MYO5B: variants seen among roughly 807,000 people sequenced by gnomAD.
MYO5B encodes myosin VB, also known as unconventional myosin-Vb.
In MYO5B, 143 loss-of-function variants were observed where a neutral mutation model predicts 229.3. That is an observed-to-expected ratio of 0.62 (90% CI 0.54 to 0.72). MYO5B has a LOEUF of 0.72. Among genes scored for constraint, MYO5B ranks in the 30% least tolerant of loss-of-function variants. The pLI is 0.00. For synonymous variants in MYO5B, 918 were observed against 885.2 expected, an observed-to-expected ratio of 1.04 and a Z score of -0.66; for missense variants, 2,321 against 2,331.0, an observed-to-expected ratio of 1.00 and a Z score of 0.09.
chr18:49,943,620 T>C (rs2144226073), intron 14 of MYO5B, among the ~76,000 whole-genome samples: 1 of 152,318 alleles, frequency 6.6e-6, no homozygotes, highest in South Asian at 2.1e-4. Context: ...CATTCATTCA[T>C]TCATCCACAC....
intron 1 of MYO5B, among the ~76,000 whole-genome samples, chr18:50,106,624 T>C (rs1020803552): frequency 1.3e-5 from 2 of 152,224 alleles, no homozygotes; most frequent in African/African-American, 4.8e-5. Flanking sequence ...TGGCTATTCC[T>C]CTTCAGGTTT....
intron 1 of MYO5B, among the ~76,000 whole-genome samples, chr18:50,084,412 C>A (rs1032916812): frequency 6.6e-6 from 1 of 152,174 alleles, no homozygotes; most frequent in Non-Finnish European, 1.5e-5. Context: ...CAGTTTGGGC[C>A]TCAATACTCT....
chr18:49,838,609 G>A (rs1347070536), intron 36 of MYO5B, among the ~76,000 whole-genome samples: 5 of 151,566 alleles, frequency 3.3e-5, no homozygotes, highest in Admixed American at 2.6e-4. Context: ...CCTTTGCAGA[G>A]CACAGTGAGT....
rs186513398 is a variant in MYO5B, at chr18:49,882,198, C to T, written c.3046-1743G>A. On this transcript the variant is annotated intron_variant, in intron 22 of 39. Transcript: ENST00000285039. Reference sequence around the variant, plus strand: ...CAGACCTGAGATCTCCCTTCCCCCACGGCTGGCTGATCCGTCACCATTCCC... The same window carrying T: ...CAGACCTGAGATCTCCCTTCCCCCATGGCTGGCTGATCCGTCACCATTCCC... Among the ~76,000 whole-genome samples the T allele has an allele frequency of 4.1e-4, 63 of 152,278 alleles. 2 individuals carry two copies. The highest frequency in any genetic ancestry group is 2.1e-3 in the East Asian group (11 of 5,180).
intron 27 of MYO5B, among the ~76,000 whole-genome samples, chr18:49,866,922 AC>A (rs2024402647): frequency 1.3e-5 from 2 of 152,198 alleles, no homozygotes; most frequent in Admixed American, 1.3e-4. Context: ...CAGCTAAAGG[AC>A]AGGAGCAGCT....
At chr18:49,953,016 C>T (rs188363284) in intron 14 of MYO5B, among the ~76,000 whole-genome samples, 1 of 152,148 alleles carries the variant, frequency 6.6e-6, no homozygotes, top group East Asian at 1.9e-4. Flanking sequence ...TCTCCCCCTA[C>T]CCCTACACTC....
intron 1 of MYO5B, among the ~76,000 whole-genome samples, chr18:50,158,422 T>C (rs1466032250): frequency 6.6e-6 from 1 of 152,184 alleles, no homozygotes; most frequent in Non-Finnish European, 1.5e-5. Context: ...ATCTGGACTT[T>C]TCATCTACAT....
chr18:49,983,360 G>C (rs1436736838), intron 8 of MYO5B, among the ~76,000 whole-genome samples: 1 of 152,176 alleles, frequency 6.6e-6, no homozygotes, highest in African/African-American at 2.4e-5. Flanking sequence ...TCTGCCCTCA[G>C]ACCTGTCTCC....
At chr18:49,865,950 C>A (rs1246917072) in intron 27 of MYO5B, among the ~76,000 whole-genome samples, 1 of 152,226 alleles carries the variant, frequency 6.6e-6, no homozygotes, top group Non-Finnish European at 1.5e-5. Context: ...CCTCTCCACT[C>A]CCCTCTCCTC....
At chr18:49,947,171 T>C (rs920871469) in intron 14 of MYO5B, among the ~76,000 whole-genome samples, 8 of 143,886 alleles carry the variant, frequency 5.6e-5, no homozygotes, top group Non-Finnish European at 1.1e-4. Context: ...AATGGCACGA[T>C]CTCAGCTCAC....
intron 6 of MYO5B, 95 bp downstream of exon 6, chr18:49,992,193 G>C: frequency 6.6e-7 from 1 of 1,522,366 alleles, no homozygotes; most frequent in Non-Finnish European, 9.1e-7. Flanking sequence ...GCTCACAAGA[G>C]AGATTCTCTT....
At chr18:50,068,349 C>T (rs953202477) in intron 1 of MYO5B, among the ~76,000 whole-genome samples, 1 of 152,192 alleles carries the variant, frequency 6.6e-6, no homozygotes, top group African/African-American at 2.4e-5. Flanking sequence ...ATTCTTTCCA[C>T]CACTTAGGTG....
At chr18:49,832,227 A>G (rs2023931231) in intron 39 of MYO5B, among the ~76,000 whole-genome samples, 1 of 152,242 alleles carries the variant, frequency 6.6e-6, no homozygotes, top group African/African-American at 2.4e-5. Flanking sequence ...CATGGGATGG[A>G]GAAGAGTACC....
In MYO5B at chr18:49,826,643, C is replaced by T; in HGVS notation, c.5395-20G>A. 3 of 1,612,116 alleles carry T rather than the reference C, an allele frequency of 1.9e-6. No homozygotes were observed. The South Asian group carries it at 3.3e-5, about 18-fold the overall frequency. On this transcript the variant is annotated intron_variant, in intron 39 of 39. Coordinates refer to ENST00000285039, the MANE Select transcript of MYO5B (RefSeq NM_001080467.3). ...TTGTGCCTATGGGGAAGAATAAGACCATGTAAAGTTTGAGTACCCCTAAAA... is the reference window on the plus strand; with the variant it reads ...TTGTGCCTATGGGGAAGAATAAGACTATGTAAAGTTTGAGTACCCCTAAAA...
intron 30 of MYO5B, among the ~76,000 whole-genome samples, 166 bp downstream of exon 30, chr18:49,856,647 C>T (rs2024265639): frequency 6.6e-6 from 1 of 152,242 alleles, no homozygotes; most frequent in East Asian, 1.9e-4. Flanking sequence ...CATATCTGTA[C>T]AGCCTGGGCA....
intron 1 of MYO5B, among the ~76,000 whole-genome samples, chr18:50,124,353 A>G (rs1262293700): frequency 6.6e-6 from 1 of 152,202 alleles, no homozygotes; most frequent in Non-Finnish European, 1.5e-5. Context: ...TTGAATAGAC[A>G]ATCATTCCCA....
intron 27 of MYO5B, among the ~76,000 whole-genome samples, chr18:49,868,417 A>G (rs1483166938): frequency 6.6e-6 from 1 of 152,198 alleles, no homozygotes; most frequent in Non-Finnish European, 1.5e-5. Context: ...TGAGGTGAAA[A>G]GTGTTTAAGT....
chr18:49,864,392 C>T lies in MYO5B; in HGVS notation c.3604-12G>A, dbSNP rs780350353. The T allele has an allele frequency of 8.1e-6, 13 of 1,612,354 alleles. No individual in the cohort carries two copies. The highest frequency in any genetic ancestry group is 3.3e-5 in the South Asian group (3 of 91,014). On this transcript the variant is annotated splice_polypyrimidine_tract_variant and intron_variant, in intron 27 of 39. Transcript: ENST00000285039. ...TCCAGCTCTTGCCTCTGGAAGACAGCCCAAGGGCCGCTGCCATTACTCCCT... is the reference window on the plus strand; with the variant it reads ...TCCAGCTCTTGCCTCTGGAAGACAGTCCAAGGGCCGCTGCCATTACTCCCT...
At chr18:50,037,673 G>A (rs2029886716) in intron 3 of MYO5B, among the ~76,000 whole-genome samples, 1 of 152,224 alleles carries the variant, frequency 6.6e-6, no homozygotes, top group African/African-American at 2.4e-5. Context: ...GCTGAGGCAG[G>A]AGAATCGCTT....
Sources: gnomAD v4.1 joint callset for allele counts (sites outside exome capture counted in the v4.1 genomes callset) on GRCh38, gnomAD v4.1.1 for gene constraint, MANE v1.5 for transcripts, NCBI Gene and HGNC (gene_info 2026-07-23, HGNC 2026-07-21) for gene names.